SH3RF2: variants seen among roughly 807,000 people sequenced by gnomAD.
The protein encoded by SH3RF2 is SH3 domain containing ring finger 2.
A neutral mutation model predicts 59.0 loss-of-function variants in SH3RF2; 43 were observed. The observed-to-expected ratio is 0.73, with a 90% CI of 0.57 to 0.94. The LOEUF is 0.94. SH3RF2 is among the 40% of genes least tolerant of loss of function. SH3RF2 has a pLI of 0.00. For synonymous variants in SH3RF2, 391 were observed against 391.5 expected (o/e 1.00, Z 0.01); for missense variants, 930 against 940.1 (o/e 0.99, Z 0.14).
chr5:146,031,781 A>G (rs1761752025), intron 5 of SH3RF2, among the ~76,000 whole-genome samples: 1 of 152,156 alleles, frequency 6.6e-6, no homozygotes, highest in Non-Finnish European at 1.5e-5. Flanking sequence ...GAAGGACAAA[A>G]TCAACTGCAC....
At chr5:145,946,679 A>C (rs181505047) in intron 2 of SH3RF2, among the ~76,000 whole-genome samples, 10 of 152,340 alleles carry the variant, frequency 6.6e-5, no homozygotes, top group Non-Finnish European at 1.0e-4. Context: ...AACCCTAAGA[A>C]GATAGGCAGT....
chr5:145,971,891 T>A (rs1271995678), intron 2 of SH3RF2, among the ~76,000 whole-genome samples: 1 of 152,022 alleles, frequency 6.6e-6, no homozygotes, highest in Non-Finnish European at 1.5e-5. Context: ...ATGATGATGA[T>A]GATGATGATG....
At chr5:145,939,087 G>A (rs1018726045) in intron 2 of SH3RF2, among the ~76,000 whole-genome samples, 2 of 152,192 alleles carry the variant, frequency 1.3e-5, no homozygotes, top group Non-Finnish European at 2.9e-5. Context: ...AGCACACCCC[G>A]AGGACTTTAT....
chr5:146,047,628 C>G, intron 5 of SH3RF2, 144 bp from the exon 6 acceptor site: 1 of 722,396 alleles, frequency 1.4e-6, no homozygotes, highest in Non-Finnish European at 2.3e-6. Flanking sequence ...CCACAAACCA[C>G]AGAGAGGACG....
At position 145,943,609 on chromosome 5, in the gene SH3RF2, C is replaced by T. The variant is rs963734326; in HGVS notation, c.378+5303C>T. On this transcript the variant is annotated intron_variant, in intron 2 of 9. Transcript: ENST00000359120. ...GGATCAATGCTATTTCTGAGAAAAA[C>T]TTCACTATCACTTAAGTGATCAGGG... 6.6e-5 allele frequency among the ~76,000 whole-genome samples: 10 copies of T among 152,352 alleles called. No homozygotes were observed. In the South Asian group the frequency reaches 1.2e-3, roughly 19 times the overall value.
intron 2 of SH3RF2, among the ~76,000 whole-genome samples, chr5:145,951,916 C>A: frequency 6.6e-6 from 1 of 152,158 alleles, no homozygotes; most frequent in Middle Eastern, 3.2e-3. Context: ...GTTATAATAG[C>A]TAGTTTCAAA....
chr5:146,030,617 A>G (rs1040162121), intron 5 of SH3RF2, among the ~76,000 whole-genome samples: 3 of 152,174 alleles, frequency 2.0e-5, no homozygotes, highest in Non-Finnish European at 4.4e-5. Flanking sequence ...GCATCTGGAA[A>G]TTATCCACTG....
At chr5:145,993,051 G>A (rs1042567501) in intron 2 of SH3RF2, among the ~76,000 whole-genome samples, 3 of 152,066 alleles carry the variant, frequency 2.0e-5, no homozygotes, top group African/African-American at 7.2e-5. Context: ...GGCATTGGGT[G>A]AATACAGCCA....
chr5:146,034,322 T>C (rs149121552), intron 5 of SH3RF2, among the ~76,000 whole-genome samples: 102 of 152,320 alleles, frequency 6.7e-4, no homozygotes, highest in African/African-American at 2.3e-3. Flanking sequence ...GAGGGCTTGC[T>C]TGCAGGGTAG....
chr5:145,991,392 A>G (rs1759926970), intron 2 of SH3RF2, among the ~76,000 whole-genome samples: 1 of 152,234 alleles, frequency 6.6e-6, no homozygotes, highest in African/African-American at 2.4e-5. Context: ...GTGGCCTGGC[A>G]GAACCCCAAT....
chr5:146,038,742 C>T (rs1047510948), intron 5 of SH3RF2, among the ~76,000 whole-genome samples: 2 of 151,980 alleles, frequency 1.3e-5, no homozygotes, highest in African/African-American at 4.8e-5. Flanking sequence ...GCTTCTCCCC[C>T]AAATTTAACC....
At position 145,945,005 on chromosome 5, in the gene SH3RF2, A is replaced by C. The variant is rs77748688; in HGVS notation, c.378+6699A>C. 4.1e-3 allele frequency among the ~76,000 whole-genome samples: 622 copies of C among 152,322 alleles called. 34 individuals are homozygous for C. The East Asian group carries it at 0.1, about 24-fold the overall frequency. On this transcript the variant is annotated intron_variant, in intron 2 of 9. Coordinates refer to ENST00000359120, the MANE Select transcript of SH3RF2 (RefSeq NM_152550.4). ...ACCTCCTCAGTGCAGAAACCAGTCA[A>C]GACTAATTGGTAAACCAACTAGTCA...
At chr5:145,957,881 G>C (rs1758479123) in intron 2 of SH3RF2, among the ~76,000 whole-genome samples, 2 of 152,188 alleles carry the variant, frequency 1.3e-5, no homozygotes, top group African/African-American at 4.8e-5. Context: ...GAGAGGCCAA[G>C]GTGGGCAGAT....
chr5:146,038,729 G>A (rs2150008927), intron 5 of SH3RF2, among the ~76,000 whole-genome samples: 1 of 152,308 alleles, frequency 6.6e-6, no homozygotes, highest in Non-Finnish European at 1.5e-5. Context: ...ATTTAAAGAT[G>A]TTGCTTCTCC....
rs113466191 is a variant in SH3RF2 at position 146,012,283 on chromosome 5, T to C, written c.745-1464T>C. ...GGTTTGCCAGTATTTTATTGAGGAT[T>C]TTTGCATCGATGTTCATCAGGGATA... On this transcript the variant is annotated intron_variant, in intron 4 of 9. Transcript: ENST00000359120. 9.8e-5 allele frequency among the ~76,000 whole-genome samples: 15 copies of C among 152,294 alleles called. 3 individuals carry two copies. Among genetic ancestry groups the C allele is most frequent in the African/African-American group, 3.6e-4 (15 of 41,564 alleles).
chr5:146,025,415 A>ACATGTTCCCTCCCTTGCCTT (rs1444327180), intron 5 of SH3RF2, among the ~76,000 whole-genome samples: 5 of 152,340 alleles, frequency 3.3e-5, no homozygotes, highest in African/African-American at 1.2e-4. Flanking sequence ...TCCTTGGCCC[A>ACATGTTCCCTCCCTTGCCTT]CATGTTCCCT....
At chr5:146,018,255 C>G (rs1462564020) in intron 5 of SH3RF2, among the ~76,000 whole-genome samples, 5 of 152,082 alleles carry the variant, frequency 3.3e-5, no homozygotes, top group Non-Finnish European at 2.9e-5. Flanking sequence ...CCCTCACCCT[C>G]CCTCTCTCCT....
chr5:145,963,190 C>A (rs1758700930), intron 2 of SH3RF2, among the ~76,000 whole-genome samples: 1 of 152,056 alleles, frequency 6.6e-6, no homozygotes. Context: ...AGCCACCACA[C>A]CCAGCCTTAT....
intron 5 of SH3RF2, among the ~76,000 whole-genome samples, chr5:146,021,405 G>A (rs1178928459): frequency 6.6e-6 from 1 of 152,090 alleles, no homozygotes; most frequent in Non-Finnish European, 1.5e-5. Flanking sequence ...CATAAGTGAT[G>A]TTGTCAGAGC....
Sources: gnomAD v4.1 joint callset for allele counts (sites outside exome capture counted in the v4.1 genomes callset) on GRCh38, gnomAD v4.1.1 for gene constraint, MANE v1.5 for transcripts, NCBI Gene and HGNC (gene_info 2026-07-23, HGNC 2026-07-21) for gene names.